Variants in GRIK4 observed in about 807,000 individuals in gnomAD.
GRIK4 encodes the protein glutamate receptor ionotropic, kainate 4.
In GRIK4, 40 loss-of-function variants were observed where a neutral mutation model predicts 104.9. The observed-to-expected ratio is 0.38, with a 90% CI of 0.30 to 0.50. The LOEUF (loss-of-function observed/expected upper bound fraction) is 0.50. GRIK4 is among the 20% of genes least tolerant of loss of function. The probability of loss-of-function intolerance (pLI) is 0.93; values close to 1 mark genes in which losing one functional copy is unlikely to be tolerated. For synonymous variants in GRIK4, 485 were observed against 524.9 expected, an observed-to-expected ratio of 0.92 and a Z score of 1.04; for missense variants, 1,047 against 1,308.1, an observed-to-expected ratio of 0.80 and a Z score of 3.08.
At chr11:120,589,529 G>A (rs139968142) in intron 1 of GRIK4, among the ~76,000 whole-genome samples, 56 of 152,258 alleles carry the variant, frequency 3.7e-4, no homozygotes, top group Non-Finnish European at 6.8e-4. Flanking sequence ...TATAGCAGTC[G>A]AGTCTCTTGA....
At chr11:120,569,453 C>T (rs1948370416) in intron 1 of GRIK4, among the ~76,000 whole-genome samples, 1 of 152,218 alleles carries the variant, frequency 6.6e-6, no homozygotes, top group Non-Finnish European at 1.5e-5. Context: ...ATACTATCAT[C>T]CCCATTTTAC....
chr11:120,596,747 CAG>C (rs1050999956), intron 1 of GRIK4, among the ~76,000 whole-genome samples: 2 of 151,216 alleles, frequency 1.3e-5, no homozygotes, highest in Non-Finnish European at 2.9e-5. Flanking sequence ...TTTTTTTAGA[CAG>C]AGTGTCACTT....
chr11:120,791,320 A>G (rs1031688681), intron 3 of GRIK4, among the ~76,000 whole-genome samples: 2 of 152,190 alleles, frequency 1.3e-5, no homozygotes, highest in African/African-American at 2.4e-5. Context: ...GTAGTAATAT[A>G]TCATTATGGT....
At chr11:120,795,461 G>A (rs1278081988) in intron 3 of GRIK4, among the ~76,000 whole-genome samples, 3 of 152,198 alleles carry the variant, frequency 2.0e-5, no homozygotes, top group African/African-American at 7.2e-5. Flanking sequence ...CTGCACCATT[G>A]CCAGGCGCCA....
At chr11:120,656,080 T>A (rs565032167) in intron 2 of GRIK4, among the ~76,000 whole-genome samples, 29 of 152,206 alleles carry the variant, frequency 1.9e-4, no homozygotes, top group Non-Finnish European at 4.0e-4. Context: ...AACTTCAGGA[T>A]AAGTTCTTTT....
chr11:120,918,403 C>T (rs1943156688), intron 13 of GRIK4, among the ~76,000 whole-genome samples: 1 of 152,184 alleles, frequency 6.6e-6, no homozygotes, highest in South Asian at 2.1e-4. Flanking sequence ...TTGGTTGTGC[C>T]TTCAGCTTTT....
intron 1 of GRIK4, among the ~76,000 whole-genome samples, chr11:120,608,697 C>G (rs1416793276): frequency 6.6e-6 from 1 of 152,220 alleles, no homozygotes; most frequent in African/African-American, 2.4e-5. Context: ...GTGCAAACAA[C>G]TGTCAGGGCT....
chr11:120,911,521 G>C (rs1024213282), intron 13 of GRIK4, among the ~76,000 whole-genome samples: 7 of 142,850 alleles, frequency 4.9e-5, no homozygotes, highest in African/African-American at 1.8e-4. Flanking sequence ...ACAGGCTTGA[G>C]CCACCGCGCC....
intron 1 of GRIK4, among the ~76,000 whole-genome samples, chr11:120,523,715 C>T (rs138596296): frequency 1.5e-4 from 23 of 152,308 alleles, no homozygotes; most frequent in African/African-American, 5.3e-4. Flanking sequence ...TCTTTAGCCA[C>T]TGCTTCTCCG....
chr11:120,887,298 A>ACCGT (rs1281024499), intron 11 of GRIK4, among the ~76,000 whole-genome samples: 1 of 152,122 alleles, frequency 6.6e-6, no homozygotes, highest in Non-Finnish European at 1.5e-5. Context: ...GTGGCCTCCT[A>ACCGT]CCGTCACCTG....
intron 1 of GRIK4, among the ~76,000 whole-genome samples, chr11:120,553,080 C>T (rs1031057375): frequency 1.3e-5 from 2 of 151,504 alleles, no homozygotes; most frequent in Non-Finnish European, 1.5e-5. Flanking sequence ...TTAGAGTGGG[C>T]TGTAATTATG....
chr11:120,562,765 G>A (rs61900899), intron 1 of GRIK4, among the ~76,000 whole-genome samples: 1 of 152,218 alleles, frequency 6.6e-6, no homozygotes, highest in Non-Finnish European at 1.5e-5. Context: ...GTAGGGCAGT[G>A]CTAGTGAGAA....
At chr11:120,679,823 G>A (rs1792397774) in intron 3 of GRIK4, among the ~76,000 whole-genome samples, 2 of 152,300 alleles carry the variant, frequency 1.3e-5, no homozygotes, top group South Asian at 4.1e-4. Context: ...TCACAGGCAG[G>A]CTGCAGATGA....
At chr11:120,970,651 A>G (rs1308365526) in intron 19 of GRIK4, among the ~76,000 whole-genome samples, 1 of 152,042 alleles carries the variant, frequency 6.6e-6, no homozygotes, top group Non-Finnish European at 1.5e-5. Flanking sequence ...AGCTCTGGGA[A>G]GGGGATCCAG....
chr11:120,570,140 A>G lies in GRIK4; in HGVS notation c.-159+58253A>G, dbSNP rs542420351. 5.3e-4 allele frequency among the ~76,000 whole-genome samples: 77 copies of G among 144,114 alleles called. 1 individual carries two copies. The South Asian group carries it at 0.016, about 30-fold the overall frequency. 94.5% of individuals were successfully genotyped at this position (144,114 alleles called of 152,430 possible). ...GATGAAGCTTAGGCGACAGGGATCA[A>G]GGTCGAAAAGGCTGCAGCTTGTCTC... On this transcript the variant is annotated intron_variant, in intron 1 of 20. Coordinates refer to ENST00000527524, the MANE Select transcript of GRIK4 (RefSeq NM_014619.5).
At chr11:120,696,483 G>A (rs1950450862) in intron 3 of GRIK4, among the ~76,000 whole-genome samples, 1 of 139,030 alleles carries the variant, frequency 7.2e-6, no homozygotes, top group South Asian at 2.7e-4. Context: ...GGTGTCAGTG[G>A]GGGGGCATGT....
chr11:120,831,382 G>C (rs1366593276), intron 6 of GRIK4, among the ~76,000 whole-genome samples: 1 of 152,192 alleles, frequency 6.6e-6, no homozygotes, highest in Non-Finnish European at 1.5e-5. Flanking sequence ...TTGGACCTGA[G>C]TGCTGGCTGC....
At chr11:120,735,063 T>A (rs1019028426) in intron 3 of GRIK4, among the ~76,000 whole-genome samples, 4 of 152,240 alleles carry the variant, frequency 2.6e-5, no homozygotes, top group Non-Finnish European at 5.9e-5. Flanking sequence ...TTCTCCAGGA[T>A]TGGTCCCTCG....
intron 11 of GRIK4, among the ~76,000 whole-genome samples, chr11:120,885,591 G>A (rs1460254683): frequency 6.6e-6 from 1 of 152,094 alleles, no homozygotes; most frequent in East Asian, 1.9e-4. Context: ...TGCCATGTTG[G>A]TCAGGCTGAT....
Sources: allele counts gnomAD v4.1 joint callset (sites outside exome capture counted in the v4.1 genomes callset), GRCh38; gene constraint gnomAD v4.1.1; transcripts MANE v1.5; gene names NCBI Gene and HGNC (gene_info 2026-07-23, HGNC 2026-07-21).